TMEM178B: variants seen among roughly 807,000 people sequenced by gnomAD.
TMEM178B encodes the protein transmembrane protein 178B.
Under a neutral mutation model 31.0 loss-of-function variants are expected in TMEM178B, and 5 were observed. The observed-to-expected ratio is 0.16, with a 90% CI of 0.08 to 0.34. The LOEUF is 0.34. TMEM178B is among the 10% of genes least tolerant of loss of function. The pLI is 1.00. For synonymous variants in TMEM178B, 164 were observed against 164.0 expected (o/e 1.00, Z 0.00); for missense variants, 275 against 400.3 (o/e 0.69, Z 2.67).
chr7:141,437,888 T>C, intron 3 of TMEM178B, 143 bp downstream of exon 3: 2 of 1,233,926 alleles, frequency 1.6e-6, no homozygotes, highest in Admixed American at 4.8e-5. Context: ...TCACAAGCAC[T>C]TCTTGAGTTG....
intron 2 of TMEM178B, among the ~76,000 whole-genome samples, chr7:141,419,343 A>G (rs11760722): frequency 0.32 from 48,636 of 152,074 alleles, 8,022 homozygotes; most frequent in Admixed American, 0.43. Flanking sequence ...CATTTTCCCC[A>G]TCATCCAAAC....
intron 1 of TMEM178B, among the ~76,000 whole-genome samples, chr7:141,105,251 G>T (rs1795124297): frequency 6.6e-6 from 1 of 152,210 alleles, no homozygotes; most frequent in South Asian, 2.1e-4. Flanking sequence ...GCTCACGCCT[G>T]TAATCCCAGC....
At chr7:141,361,856 TTCA>T (rs1799923369) in intron 2 of TMEM178B, among the ~76,000 whole-genome samples, 1 of 152,338 alleles carries the variant, frequency 6.6e-6, no homozygotes, top group African/African-American at 2.4e-5. Flanking sequence ...CCCAGCCCAC[TTCA>T]TCATTAAAAT....
At chr7:141,239,062 TTTG>T (rs559750411) in intron 2 of TMEM178B, among the ~76,000 whole-genome samples, 8 of 152,202 alleles carry the variant, frequency 5.3e-5, no homozygotes, top group South Asian at 2.1e-4. Flanking sequence ...CTAGGTTTTT[TTTG>T]TTGTTGTTGT....
chr7:141,110,340 A>G (rs566540228), intron 1 of TMEM178B, among the ~76,000 whole-genome samples: 11 of 152,362 alleles, frequency 7.2e-5, no homozygotes, highest in East Asian at 1.9e-4. Context: ...CGGAAGTCCA[A>G]TAATACAATT....
At chr7:141,125,475 G>A (rs1309228435) in intron 1 of TMEM178B, among the ~76,000 whole-genome samples, 1 of 151,952 alleles carries the variant, frequency 6.6e-6, no homozygotes, top group Admixed American at 6.5e-5. Flanking sequence ...GAGGTCAGGA[G>A]TTTGAGACCA....
intron 3 of TMEM178B, among the ~76,000 whole-genome samples, chr7:141,463,070 T>A (rs1310730443): frequency 6.6e-6 from 1 of 152,198 alleles, no homozygotes; most frequent in Non-Finnish European, 1.5e-5. Context: ...TCAGCAGGTC[T>A]TAACAGCACA....
intron 1 of TMEM178B, among the ~76,000 whole-genome samples, chr7:141,177,572 G>C (rs1291869693): frequency 6.6e-6 from 1 of 152,060 alleles, no homozygotes; most frequent in East Asian, 1.9e-4. Flanking sequence ...TTATTGTGTG[G>C]GGGTCTAAGT....
At chr7:141,417,207 G>C (rs1801114655) in intron 2 of TMEM178B, among the ~76,000 whole-genome samples, 1 of 152,198 alleles carries the variant, frequency 6.6e-6, no homozygotes, top group African/African-American at 2.4e-5. Context: ...AAATGGAATA[G>C]ATGGATTCCT....
intron 2 of TMEM178B, among the ~76,000 whole-genome samples, chr7:141,254,426 G>A (rs893046323): frequency 6.6e-6 from 1 of 152,052 alleles, no homozygotes; most frequent in Non-Finnish European, 1.5e-5. Flanking sequence ...TTAAAAGCTT[G>A]TTTACTGCTG....
downstream of TMEM178B, among the ~76,000 whole-genome samples, chr7:141,481,394 G>A (rs927299101): frequency 3.3e-5 from 5 of 152,158 alleles, no homozygotes; most frequent in African/African-American, 1.2e-4. Context: ...TTAGAGGTGG[G>A]ATGGCTGAGG....
chr7:141,080,686 T>C (rs1301070429), intron 1 of TMEM178B, among the ~76,000 whole-genome samples: 1 of 152,170 alleles, frequency 6.6e-6, no homozygotes, highest in African/African-American at 2.4e-5. Flanking sequence ...CACAGGGTAA[T>C]GGGCACCATG....
intron 2 of TMEM178B, among the ~76,000 whole-genome samples, chr7:141,406,085 T>C (rs1479988760): frequency 6.6e-6 from 1 of 152,218 alleles, no homozygotes; most frequent in Non-Finnish European, 1.5e-5. Context: ...ATTTTCCAGC[T>C]CACATCTGTT....
chr7:141,188,079 T>C (rs1476637534), intron 1 of TMEM178B, among the ~76,000 whole-genome samples: 2 of 152,346 alleles, frequency 1.3e-5, no homozygotes, highest in East Asian at 3.9e-4. Context: ...GTTTTAGGTC[T>C]AACATTTAAG....
intron 2 of TMEM178B, chr7:141,416,223 C>T (rs1157103890): frequency 1.3e-5 from 2 of 152,776 alleles, no homozygotes; most frequent in African/African-American, 4.8e-5. Flanking sequence ...TGAGTCCGTC[C>T]TATTCATAGA....
chr7:141,276,363 A>T (rs1026620176), intron 2 of TMEM178B, among the ~76,000 whole-genome samples: 1 of 152,162 alleles, frequency 6.6e-6, no homozygotes, highest in Non-Finnish European at 1.5e-5. Context: ...GCTAATAAAG[A>T]CATACCTGAG....
chr7:141,222,064 G>A (rs935029546), intron 2 of TMEM178B, among the ~76,000 whole-genome samples: 1 of 152,168 alleles, frequency 6.6e-6, no homozygotes, highest in African/African-American at 2.4e-5. Flanking sequence ...GGGCAGGAGA[G>A]CATGGGTAGG....
chr7:141,274,357 C>T (rs1010138181), intron 2 of TMEM178B, among the ~76,000 whole-genome samples: 18 of 152,188 alleles, frequency 1.2e-4, no homozygotes, highest in African/African-American at 4.3e-4. Flanking sequence ...CCATTCCAGA[C>T]CCCTCCTCTG....
intron 1 of TMEM178B, among the ~76,000 whole-genome samples, chr7:141,167,534 G>A (rs950299096): frequency 3.3e-5 from 5 of 152,200 alleles, no homozygotes; most frequent in South Asian, 2.1e-4. Context: ...TCACGTCACC[G>A]TGTACAAAGG....
Sources: gnomAD v4.1 joint callset for allele counts (sites outside exome capture counted in the v4.1 genomes callset) on GRCh38, gnomAD v4.1.1 for gene constraint, MANE v1.5 for transcripts, NCBI Gene and HGNC (gene_info 2026-07-23, HGNC 2026-07-21) for gene names.